ELMO1: variants seen among roughly 807,000 people sequenced by gnomAD.
ELMO1 encodes the protein engulfment and cell motility 1.
A neutral mutation model predicts 98.9 loss-of-function variants in ELMO1; 26 were observed. The observed-to-expected ratio is 0.26, with a 90% CI of 0.19 to 0.36. The LOEUF is 0.36. Among genes scored for constraint, ELMO1 ranks in the 10% least tolerant of loss-of-function variants. The pLI is 1.00. For missense variants in ELMO1, 627 were observed against 935.2 expected (o/e 0.67, Z 4.30); for synonymous variants, 346 against 346.0 (o/e 1.00, Z 0.00).
intron 15 of ELMO1, among the ~76,000 whole-genome samples, chr7:37,081,346 C>G (rs1400421003): frequency 6.6e-6 from 1 of 152,190 alleles, no homozygotes; most frequent in Non-Finnish European, 1.5e-5. Context: ...AAAGATGTCT[C>G]TAACACATTA....
At chr7:37,261,557 G>A (rs1325784691) in intron 5 of ELMO1, among the ~76,000 whole-genome samples, 1 of 152,140 alleles carries the variant, frequency 6.6e-6, no homozygotes, top group Non-Finnish European at 1.5e-5. Flanking sequence ...CACTCAGGAT[G>A]CTGCATCTCT....
intron 13 of ELMO1, among the ~76,000 whole-genome samples, chr7:37,134,914 C>T (rs1787167868): frequency 6.6e-6 from 1 of 152,072 alleles, no homozygotes; most frequent in Non-Finnish European, 1.5e-5. Context: ...ACTCAGAAGG[C>T]TGGGAATTGG....
intron 6 of ELMO1, among the ~76,000 whole-genome samples, chr7:37,244,904 A>G (rs1286682665): frequency 6.6e-6 from 1 of 152,202 alleles, no homozygotes; most frequent in Admixed American, 6.5e-5. Context: ...CTAGTGTTAA[A>G]TCCCAAAACT....
chr7:37,234,593 A>C (rs1794360759), intron 7 of ELMO1, among the ~76,000 whole-genome samples: 1 of 152,224 alleles, frequency 6.6e-6, no homozygotes, highest in Admixed American at 6.5e-5. Context: ...TTGTGGAGTC[A>C]GACAGCAGGG....
At chr7:37,275,334 G>C (rs1161910481) in intron 4 of ELMO1, among the ~76,000 whole-genome samples, 1 of 152,212 alleles carries the variant, frequency 6.6e-6, no homozygotes, top group Non-Finnish European at 1.5e-5. Context: ...GGCTCCCTCA[G>C]GCACTCCTTC....
At chr7:37,061,732 A>G (rs1319148880) in intron 15 of ELMO1, among the ~76,000 whole-genome samples, 1 of 152,226 alleles carries the variant, frequency 6.6e-6, no homozygotes, top group East Asian at 1.9e-4. Context: ...AATAAAAAAG[A>G]ACAATAAACA....
At chr7:37,356,275 G>C (rs930694207) in intron 1 of ELMO1, among the ~76,000 whole-genome samples, 1 of 152,164 alleles carries the variant, frequency 6.6e-6, no homozygotes, top group Non-Finnish European at 1.5e-5. Flanking sequence ...ACGTGCATGT[G>C]TCTTTATAGT....
At chr7:37,412,600 A>AT (rs199594970) in intron 1 of ELMO1, among the ~76,000 whole-genome samples, 126,774 of 152,266 alleles carry the variant, frequency 0.83, 52,957 homozygotes, top group African/African-American at 0.9. Context: ...TTTTTCAAGA[A>AT]TGTATTGGTT....
At chr7:37,375,880 G>C in intron 1 of ELMO1, 1 of 689,460 alleles carries the variant, frequency 1.5e-6, no homozygotes, top group Non-Finnish European at 2.7e-6. Context: ...ACTCACAAGA[G>C]GGGAAGCCAA....
At chr7:37,233,278 T>C in intron 7 of ELMO1, 84 bp from the exon 8 acceptor site, 1 of 1,152,382 alleles carries the variant, frequency 8.7e-7, no homozygotes, top group Non-Finnish European at 1.2e-6. Context: ...GGAAAGTGAA[T>C]ACAAGCAGAA....
intron 1 of ELMO1, among the ~76,000 whole-genome samples, chr7:37,365,920 C>A (rs1279874799): frequency 2.0e-5 from 3 of 152,150 alleles, no homozygotes; most frequent in Non-Finnish European, 4.4e-5. Context: ...ATTGTAGAAC[C>A]TACTAAAGAG....
At chr7:36,885,163 A>C (rs1163981608) in intron 18 of ELMO1, among the ~76,000 whole-genome samples, 1 of 152,172 alleles carries the variant, frequency 6.6e-6, no homozygotes, top group Non-Finnish European at 1.5e-5. Context: ...TCCTTTCTGC[A>C]CTCGGAAGGA....
At chr7:36,858,734 G>A (rs1802394174) in intron 21 of ELMO1, among the ~76,000 whole-genome samples, 1 of 152,176 alleles carries the variant, frequency 6.6e-6, no homozygotes, top group Non-Finnish European at 1.5e-5. Context: ...AGGCTGAAGT[G>A]AGGTGATGAA....
At chr7:37,153,005 A>G (rs1788468175) in intron 13 of ELMO1, among the ~76,000 whole-genome samples, 1 of 152,194 alleles carries the variant, frequency 6.6e-6, no homozygotes. Flanking sequence ...GGATCCATCA[A>G]GCTGCTCAGA....
At chr7:37,401,218 AC>A (rs1385969102) in intron 1 of ELMO1, among the ~76,000 whole-genome samples, 1 of 152,138 alleles carries the variant, frequency 6.6e-6, no homozygotes, top group Non-Finnish European at 1.5e-5. Flanking sequence ...GCTCCATAAA[AC>A]ACAGTTTGAA....
chr7:37,081,494 C>A (rs941275270), intron 15 of ELMO1, among the ~76,000 whole-genome samples: 9 of 152,208 alleles, frequency 5.9e-5, no homozygotes, highest in Non-Finnish European at 1.2e-4. Flanking sequence ...ATTTTAGCTT[C>A]CATCATTCCC....
intron 4 of ELMO1, among the ~76,000 whole-genome samples, chr7:37,282,978 T>C (rs1266368714): frequency 1.3e-5 from 2 of 152,180 alleles, no homozygotes; most frequent in Admixed American, 6.5e-5. Context: ...TTAAGAGATA[T>C]CTATTAACTA....
intron 15 of ELMO1, among the ~76,000 whole-genome samples, chr7:37,038,605 A>T (rs1795324809): frequency 6.6e-6 from 1 of 152,212 alleles, no homozygotes; most frequent in African/African-American, 2.4e-5. Flanking sequence ...ATGAAAAGGT[A>T]TGACAAGCTT....
intron 16 of ELMO1, among the ~76,000 whole-genome samples, chr7:36,898,951 G>A (rs1343229156): frequency 6.6e-6 from 1 of 152,178 alleles, no homozygotes; most frequent in Non-Finnish European, 1.5e-5. Context: ...CCTCCCAAAG[G>A]GCTGAGGGCA....
Sources: gnomAD v4.1 joint callset for allele counts (sites outside exome capture counted in the v4.1 genomes callset) on GRCh38, gnomAD v4.1.1 for gene constraint, MANE v1.5 for transcripts, NCBI Gene and HGNC (gene_info 2026-07-23, HGNC 2026-07-21) for gene names.